The following NHSL2 variants were observed in gnomAD, a reference collection of about 807,000 sequenced individuals.
NHSL2 encodes the protein NHS like 2.
Under a neutral mutation model 53.4 loss-of-function variants are expected in NHSL2, and 27 were observed. That is an observed-to-expected ratio of 0.51 (90% CI 0.37 to 0.70). The LOEUF (loss-of-function observed/expected upper bound fraction) is 0.70. NHSL2 is among the 30% of genes least tolerant of loss of function. The probability of loss-of-function intolerance (pLI) is 0.00; values close to 1 mark genes in which losing one functional copy is unlikely to be tolerated. For synonymous variants in NHSL2, 408 were observed against 404.1 expected, an observed-to-expected ratio of 1.01 and a Z score of -0.12; for missense variants, 892 against 980.1, an observed-to-expected ratio of 0.91 and a Z score of 1.20.
chrX:72,130,908 GCTTC>G, intron 1 of NHSL2: 1 of 1,211,910 alleles, frequency 8.3e-7, no homozygotes, highest in Non-Finnish European at 1.1e-6. Flanking sequence ...CATGCAAGGG[GCTTC>G]CTTCCTGGGT....
At chrX:72,094,723 C>T (rs1281173277) in intron 1 of NHSL2, among the ~76,000 whole-genome samples, 1 of 111,231 alleles carries the variant, frequency 9.0e-6, no homozygotes, top group Non-Finnish European at 1.9e-5. Context: ...TTATGATTCT[C>T]GACTTCCAGG....
In NHSL2 at chrX:72,145,275, T is replaced by C. The variant is rs899513795; in HGVS notation, c.*1701T>C. 3 of 111,877 alleles carry C rather than the reference T, an allele frequency of 2.7e-5. No homozygotes were observed. The highest frequency in any genetic ancestry group is 3.8e-5 in the Non-Finnish European group (2 of 53,240). The allele number at this position is 111,877 out of a possible 1,213,427, so 9.2% of individuals were successfully genotyped here. A position where few individuals can be genotyped will look rare whatever the true frequency, so the allele number is the denominator to read the frequency against. ...TTAGCTCAACTGCCCACACTCCAGCTGGACAGAGCAGCTGAAAAACCACAC... is the reference window on the plus strand; with the variant it reads ...TTAGCTCAACTGCCCACACTCCAGCCGGACAGAGCAGCTGAAAAACCACAC... On this transcript the variant is annotated 3_prime_UTR_variant, in exon 8 of 8. Transcript: ENST00000633930.
At position 72,042,333 on chromosome X, in the gene NHSL2, A is replaced by G. The variant is rs1470450614; in HGVS notation, c.281-89746A>G. On this transcript the variant is annotated intron_variant, in intron 1 of 7. Transcript: ENST00000633930. ...AGCTCTGCTCTTTGGGCTCTGAGTG[A>G]ATGTGGCTCTGCAGTGGCCGGCAGC... 2.7e-5 allele frequency among the ~76,000 whole-genome samples: 3 copies of G among 112,541 alleles called. No homozygotes were observed. In the Admixed American group the frequency reaches 2.8e-4, roughly 11 times the overall value.
intron 1 of NHSL2, among the ~76,000 whole-genome samples, chrX:71,964,043 GTA>G (rs55941930): frequency 0.027 from 1,410 of 53,065 alleles, 134 homozygotes; most frequent in African/African-American, 0.097. Context: ...ATATATATAT[GTA>G]TATATATATA....
intron 1 of NHSL2, among the ~76,000 whole-genome samples, chrX:72,021,409 G>A (rs1286474592): frequency 1.8e-5 from 2 of 111,908 alleles, no homozygotes; most frequent in Non-Finnish European, 3.8e-5. Context: ...AAAATCACTG[G>A]ACGTGTGTGC....
intron 1 of NHSL2, among the ~76,000 whole-genome samples, chrX:72,108,840 A>G (rs948620376): frequency 6.3e-5 from 7 of 111,512 alleles, no homozygotes; most frequent in African/African-American, 2.0e-4. Flanking sequence ...CCCGCCCCAG[A>G]CCATAGACCC....
chrX:72,106,167 C>CG (rs1324329143), intron 1 of NHSL2, among the ~76,000 whole-genome samples: 4 of 110,091 alleles, frequency 3.6e-5, no homozygotes, highest in Admixed American at 9.7e-5. Flanking sequence ...GCCGAGATCG[C>CG]GCCACTGCAC....
intron 1 of NHSL2, among the ~76,000 whole-genome samples, chrX:71,995,044 T>A (rs2042044095): frequency 8.9e-6 from 1 of 112,127 alleles, no homozygotes; most frequent in East Asian, 2.8e-4. Flanking sequence ...GTTTTCACCA[T>A]CTCAGTTAAT....
intron 1 of NHSL2, among the ~76,000 whole-genome samples, chrX:72,118,788 T>TTAAAG (rs758918931): frequency 8.9e-6 from 1 of 112,167 alleles, no homozygotes; most frequent in East Asian, 2.8e-4. Context: ...TGAAGTCAAA[T>TTAAAG]TTGTGTTTTT....
At chrX:72,138,343 G>T in intron 5 of NHSL2, 98 bp from the exon 6 acceptor site, 1 of 647,234 alleles carries the variant, frequency 1.5e-6, no homozygotes. Context: ...CAAGCTGTTG[G>T]CAAATGCTTC....
At chrX:72,049,009 A>AGAG (rs1556340803) in intron 1 of NHSL2, among the ~76,000 whole-genome samples, 35 of 86,153 alleles carry the variant, frequency 4.1e-4, no homozygotes, top group Middle Eastern at 0.011. Flanking sequence ...AAGAAGAAGA[A>AGAG]GAAGAGGAAG....
Position 72,139,852 on chromosome X carries a change from G to A in NHSL2, c.2304G>A (p.Arg768=), listed in dbSNP as rs1284176299. 27 of 1,208,417 alleles carry A rather than the reference G, an allele frequency of 2.2e-5. No individual in the cohort carries two copies. Among genetic ancestry groups the A allele is most frequent in the Non-Finnish European group, 2.3e-5 (21 of 894,095 alleles). ...TSPMEKFPKS[R]LSFDLPLTSS... is the part of the protein sequence containing the mutation. ...CAATGGAGAAATTTCCCAAGTCACG[G>A]CTATCATTTGACCTACCACTGACCT... The change falls in exon 6 of 8, where the codon CGG becomes CGA. Residue 768 remains arginine, a synonymous_variant. Transcript: ENST00000633930.
At chrX:72,108,127 G>T (rs769896952) in intron 1 of NHSL2, among the ~76,000 whole-genome samples, 2 of 111,906 alleles carry the variant, frequency 1.8e-5, no homozygotes, top group African/African-American at 3.3e-5. Context: ...AGGGAGTTAG[G>T]AGGTCAGATT....
intron 1 of NHSL2, among the ~76,000 whole-genome samples, chrX:72,122,623 C>T (rs752610570): frequency 5.5e-4 from 62 of 112,093 alleles, no homozygotes; most frequent in Non-Finnish European, 1.0e-3. Context: ...GGTTCAAAGC[C>T]AGGTCTATGT....
At chrX:72,040,875 C>CG (rs775658442) in intron 1 of NHSL2, among the ~76,000 whole-genome samples, 1 of 112,567 alleles carries the variant, frequency 8.9e-6, no homozygotes, top group Admixed American at 9.4e-5. Context: ...AAAGGCCCTG[C>CG]GCTAGGAGCT....
chrX:72,040,531 A>G (rs1420721766), intron 1 of NHSL2, among the ~76,000 whole-genome samples: 1 of 112,192 alleles, frequency 8.9e-6, no homozygotes, highest in African/African-American at 3.2e-5. Flanking sequence ...TGGAGGCCAC[A>G]TTCTAAACGA....
chrX:72,134,088 CAGA>C lies in NHSL2; in HGVS notation c.439_441del (p.Glu147del). ...TGTGTGTCTCCACTGTGCTATTTTT[CAGA>C]AGAATATGAGGAACAGTACTCGGAG... is the stretch of plus-strand genomic sequence containing the variant. On this transcript the variant is annotated splice_acceptor_variant and coding_sequence_variant, in exon 3 of 8. Transcript: ENST00000633930. LOFTEE classifies it high-confidence loss of function. 1.7e-6 allele frequency: 2 copies of C among 1,167,247 alleles called. No individual in the cohort carries two copies. Among genetic ancestry groups the C allele is most frequent in the Non-Finnish European group, 2.3e-6 (2 of 872,451 alleles).
At position 71,994,506 on chromosome X, in the gene NHSL2, C is replaced by T. The variant is rs151312353; in HGVS notation, c.280+83139C>T. ...CATGTTCACGCCCCAGTGTGTTGCCCTATGTGACTAGTGTTTAAGGAATGA... is the reference window on the plus strand; with the variant it reads ...CATGTTCACGCCCCAGTGTGTTGCCTTATGTGACTAGTGTTTAAGGAATGA... On this transcript the variant is annotated intron_variant, in intron 1 of 7. Transcript: ENST00000633930. 1.7e-4 allele frequency among the ~76,000 whole-genome samples: 19 copies of T among 111,030 alleles called. No individual in the cohort carries two copies. The East Asian group carries it at 5.4e-3, about 32-fold the overall frequency.
At chrX:71,950,790 T>C (rs2041816920) in intron 1 of NHSL2, among the ~76,000 whole-genome samples, 1 of 111,619 alleles carries the variant, frequency 9.0e-6, no homozygotes, top group Admixed American at 9.5e-5. Flanking sequence ...GCCATTTCTG[T>C]GGGTGGGTGT....
Sources: allele counts gnomAD v4.1 joint callset (sites outside exome capture counted in the v4.1 genomes callset), GRCh38; gene constraint gnomAD v4.1.1; transcripts MANE v1.5; gene names NCBI Gene and HGNC (gene_info 2026-07-23, HGNC 2026-07-21).